The following EFCAB6 variants were observed in gnomAD, a reference collection of about 807,000 sequenced individuals.
EFCAB6 encodes the protein EF-hand calcium-binding domain-containing protein 6.
EFCAB6 carries 156 observed loss-of-function variants against 169.8 expected under a neutral mutation model. The observed-to-expected ratio is 0.92, with a 90% CI of 0.81 to 1.05. The LOEUF (loss-of-function observed/expected upper bound fraction) is 1.05. Among genes scored for constraint, EFCAB6 ranks in the 50% least tolerant of loss-of-function variants. EFCAB6 has a pLI of 0.00. For missense variants in EFCAB6, 1,800 were observed against 1,829.1 expected (o/e 0.98, Z 0.29); for synonymous variants, 698 against 676.4 (o/e 1.03, Z -0.50).
chr22:43,538,550 G>A (rs1330874473), intron 28 of EFCAB6, among the ~76,000 whole-genome samples: 1 of 152,054 alleles, frequency 6.6e-6, no homozygotes, highest in African/African-American at 2.4e-5. Context: ...CACCATGCCT[G>A]GCTAATTTTT....
At chr22:43,548,987 T>C (rs908008659) in intron 27 of EFCAB6, among the ~76,000 whole-genome samples, 1 of 152,182 alleles carries the variant, frequency 6.6e-6, no homozygotes, top group Non-Finnish European at 1.5e-5. Context: ...TAAACATCCA[T>C]GTATTTGGAA....
At chr22:43,579,136 T>C (rs113316245) in intron 25 of EFCAB6, among the ~76,000 whole-genome samples, 8,860 of 148,444 alleles carry the variant, frequency 0.06, 338 homozygotes, top group Admixed American at 0.092. Flanking sequence ...ATAGGCATCA[T>C]TCTGTACACG....
intron 5 of EFCAB6, 111 bp downstream of exon 5, chr22:43,765,194 C>A (rs1785785408): frequency 4.1e-6 from 3 of 736,402 alleles, no homozygotes; most frequent in Non-Finnish European, 6.8e-6. Flanking sequence ...GTTCTACAAA[C>A]TCATCTTCCA....
intron 17 of EFCAB6, among the ~76,000 whole-genome samples, chr22:43,647,767 A>C (rs1398321631): frequency 2.0e-5 from 3 of 152,186 alleles, no homozygotes; most frequent in Admixed American, 1.3e-4. Flanking sequence ...AAGAAGAAAG[A>C]GACCAAAGAG....
At chr22:43,788,212 AAAG>A (rs1014264835) in intron 2 of EFCAB6, among the ~76,000 whole-genome samples, 12 of 152,224 alleles carry the variant, frequency 7.9e-5, no homozygotes, top group African/African-American at 2.9e-4. Context: ...ACAGGCAACT[AAAG>A]AAGAAGTAGA....
chr22:43,775,385 T>C (rs1054849141), intron 3 of EFCAB6, among the ~76,000 whole-genome samples: 32 of 152,204 alleles, frequency 2.1e-4, no homozygotes, highest in Non-Finnish European at 1.8e-4. Context: ...ATCAGTATGA[T>C]ACATGACATG....
At chr22:43,596,886 C>G (rs1307757852) in intron 23 of EFCAB6, among the ~76,000 whole-genome samples, 1 of 152,192 alleles carries the variant, frequency 6.6e-6, no homozygotes, top group Non-Finnish European at 1.5e-5. Flanking sequence ...TAGCATTGTA[C>G]TGGCATAAAA....
At chr22:43,548,920 T>A (rs983673461) in intron 27 of EFCAB6, among the ~76,000 whole-genome samples, 2 of 152,230 alleles carry the variant, frequency 1.3e-5, no homozygotes, top group Non-Finnish European at 1.5e-5. Context: ...TAAGAACTGA[T>A]GTCATTCAGA....
Position 43,672,100 on chromosome 22 carries a change from TC to T in EFCAB6, c.1512del (p.Asn505ThrfsTer36). On this transcript the variant is annotated frameshift_variant, in exon 15 of 32. Transcript: ENST00000262726. LOFTEE classifies it high-confidence loss of function. ...AGCATGTTATAAAAAGCTTGTAGGTTCCTAGTAATTGTATCATGAACAATTT... is the reference window on the plus strand; with the variant it reads ...AGCATGTTATAAAAAGCTTGTAGGTTCTAGTAATTGTATCATGAACAATTT... ...VEEIVHDTITRNLQAFYNMLR... is the reference protein window; with the variant it reads ...VEEIVHDTITXNLQAFYNMLR... The T allele has an allele frequency of 6.2e-7, 1 of 1,613,826 alleles. No homozygotes were observed. Among genetic ancestry groups the T allele is most frequent in the Non-Finnish European group, 8.5e-7 (1 of 1,179,936 alleles).
Position 43,784,539 on chromosome 22 carries a change from G to GTATATATACACATATA in EFCAB6, c.-7-2215_-7-2214insTATATGTGTATATATA, listed in dbSNP as rs1412650507. Reference sequence around the variant, plus strand: ...TGTGTGTGTGTGTGTGTGTGTGTGTGTGTGTATATGTATATATACACATAT... The same window carrying GTATATATACACATATA: ...TGTGTGTGTGTGTGTGTGTGTGTGTGTATATATACACATATATGTGTATATGTATATATACACATAT... On this transcript the variant is annotated intron_variant, in intron 2 of 31. Coordinates refer to ENST00000262726, the MANE Select transcript of EFCAB6 (RefSeq NM_022785.4). Among the ~76,000 whole-genome samples, 27 of 91,956 alleles carry GTATATATACACATATA rather than the reference G, an allele frequency of 2.9e-4. 3 individuals carry two copies. Among genetic ancestry groups the GTATATATACACATATA allele is most frequent in the Non-Finnish European group, 4.6e-4 (22 of 47,820 alleles). The allele number at this position is 91,956 out of a possible 152,430, so 60.3% of individuals were successfully genotyped here.
At chr22:43,615,726 C>A in intron 21 of EFCAB6, 100 bp downstream of exon 21, 1 of 1,001,624 alleles carries the variant, frequency 1.0e-6, no homozygotes, top group Non-Finnish European at 1.5e-6. Context: ...GAGTTGTTTT[C>A]CCATCTTAGC....
chr22:43,662,713 A>T (rs2057064864), intron 17 of EFCAB6, among the ~76,000 whole-genome samples: 1 of 152,242 alleles, frequency 6.6e-6, no homozygotes, highest in Non-Finnish European at 1.5e-5. Context: ...CTCTGAGGCC[A>T]GCTACTACCT....
chr22:43,718,569 G>A (rs1453654453), intron 8 of EFCAB6, among the ~76,000 whole-genome samples: 2 of 152,184 alleles, frequency 1.3e-5, no homozygotes, highest in African/African-American at 4.8e-5. Context: ...GATCACCTGA[G>A]GTCAGGAGTT....
chr22:43,587,421 G>A (rs563291177), intron 24 of EFCAB6, among the ~76,000 whole-genome samples: 6 of 152,344 alleles, frequency 3.9e-5, no homozygotes, highest in South Asian at 2.1e-4. Context: ...TCTGGACACC[G>A]GAATCTAAAA....
intron 23 of EFCAB6, among the ~76,000 whole-genome samples, chr22:43,593,071 A>AAG (rs1021589893): frequency 2.0e-5 from 3 of 152,156 alleles, no homozygotes; most frequent in African/African-American, 7.2e-5. Context: ...GGAGGTAAAA[A>AAG]AAAAAAATCC....
intron 2 of EFCAB6, among the ~76,000 whole-genome samples, chr22:43,786,256 G>A (rs998020538): frequency 3.3e-5 from 5 of 152,074 alleles, no homozygotes; most frequent in South Asian, 2.1e-4. Flanking sequence ...CCAGCTACCC[G>A]GGAGGCTGAG....
At chr22:43,661,129 C>A (rs1013851481) in intron 17 of EFCAB6, among the ~76,000 whole-genome samples, 1 of 152,170 alleles carries the variant, frequency 6.6e-6, no homozygotes, top group Non-Finnish European at 1.5e-5. Flanking sequence ...AATCCCAGCA[C>A]TTTGGGAAGC....
chr22:43,642,057 CA>C (rs137741), intron 17 of EFCAB6, among the ~76,000 whole-genome samples: 152,296 of 152,298 alleles, frequency 1, 76,147 homozygotes, highest in Middle Eastern at 1. Flanking sequence ...TCTCCTGCCT[CA>C]AGCCTCCTGA....
intron 1 of EFCAB6, among the ~76,000 whole-genome samples, chr22:43,810,995 C>A (rs1341627095): frequency 6.6e-6 from 1 of 152,128 alleles, no homozygotes; most frequent in African/African-American, 2.4e-5. Flanking sequence ...TGATTTACAG[C>A]ATTTCTGTTA....
Sources: gnomAD v4.1 joint callset for allele counts (sites outside exome capture counted in the v4.1 genomes callset) on GRCh38, gnomAD v4.1.1 for gene constraint, MANE v1.5 for transcripts, NCBI Gene and HGNC (gene_info 2026-07-23, HGNC 2026-07-21) for gene names.